The following FBXO2 variants were observed in gnomAD, a reference collection of about 807,000 sequenced individuals.
FBXO2 encodes F-box only protein 2.
In FBXO2, 32 loss-of-function variants were observed where a neutral mutation model predicts 38.6. The observed-to-expected ratio is 0.83, with a 90% CI of 0.62 to 1.11. FBXO2 has a LOEUF of 1.11. Ranked by LOEUF, FBXO2 falls within the 50% of genes most tolerant of loss-of-function variation. FBXO2 has a pLI of 0.00. For missense variants in FBXO2, 450 were observed against 418.3 expected, an observed-to-expected ratio of 1.08 and a Z score of -0.66; for synonymous variants, 189 against 182.9, an observed-to-expected ratio of 1.03 and a Z score of -0.27.
chr1:11,654,138 G>A, intron 1 of FBXO2, 181 bp downstream of exon 1: 3 of 618,376 alleles, frequency 4.9e-6, no homozygotes, highest in Non-Finnish European at 5.1e-6. Context: ...AAGGCCTCCC[G>A]CCAGACCAAG....
At chr1:11,651,212 A>G (rs1489877775) in intron 1 of FBXO2, among the ~76,000 whole-genome samples, 2 of 151,474 alleles carry the variant, frequency 1.3e-5, no homozygotes, top group Non-Finnish European at 2.9e-5. Context: ...TGCTCCCCTC[A>G]CCTCCTCAGG....
intron 1 of FBXO2, among the ~76,000 whole-genome samples, chr1:11,652,410 T>C (rs952008235): frequency 1.3e-5 from 2 of 152,164 alleles, no homozygotes; most frequent in African/African-American, 2.4e-5. Context: ...TTTTCTCATC[T>C]ATAAAATGGG....
Position 11,648,986 on chromosome 1 carries a change from C to G in FBXO2, c.756+101G>C, listed in dbSNP as rs1460776065. On this transcript the variant is annotated intron_variant, in intron 5 of 5. Coordinates refer to ENST00000354287, the MANE Select transcript of FBXO2 (RefSeq NM_012168.6). The surrounding 1 kb of genome is among the most constrained non-coding windows in gnomAD (Gnocchi z 4.2). ...CGGTGACTATCTCAGCCCAGCCCAG[C>G]CCAGCCCACCCCAGCCCAGGAGCGC... The G allele has an allele frequency of 7.1e-7, 1 of 1,409,592 alleles. No individual in the cohort carries two copies. Among genetic ancestry groups the G allele is most frequent in the African/African-American group, 1.4e-5 (1 of 71,406 alleles). The allele number at this position is 1,409,592 out of a possible 1,614,324, so 87.3% of individuals were successfully genotyped here.
chr1:11,650,607 C>T lies in FBXO2; in HGVS notation c.250G>A (p.Gly84Ser). The change falls in exon 2 of 6, where the codon GGC becomes AGC. Residue 84 changes from glycine (G) to serine (S), a missense_variant. Transcript: ENST00000354287. The stretch of plus-strand genomic sequence containing the variant: ...CACTTGAGCAGCCACAGCGGGGCGC[C>T]GTCCACCAGCTCCTTCCAGCGCAGG... ...VCLRWKELVD[G>S]APLWLLKCQQ... The T allele has an allele frequency of 6.3e-7, 1 of 1,589,820 alleles. No individual in the cohort carries two copies. The highest frequency in any genetic ancestry group is 8.5e-7 in the Non-Finnish European group (1 of 1,172,046).
Position 11,648,836 on chromosome 1 carries a change from T to C in FBXO2, c.757-8A>G, listed in dbSNP as rs775436273. ...GGTGAAGGTGTGGGAGATCTGGGGG[T>C]GGAGGTAACAAGAGTCAGCCTCGGA... On this transcript the variant is annotated splice_region_variant and splice_polypyrimidine_tract_variant and intron_variant, in intron 5 of 5. Transcript: ENST00000354287. The surrounding 1 kb of genome is among the most constrained non-coding windows in gnomAD (Gnocchi z 4.2). The C allele has an allele frequency of 1.2e-6, 2 of 1,610,088 alleles. No homozygotes were observed.
In FBXO2 at chr1:11,648,553, T is replaced by C. The variant is rs1639454499; in HGVS notation, c.*141A>G. 1 of 1,207,640 alleles carries C rather than the reference T, an allele frequency of 8.3e-7. No individual in the cohort carries two copies. The highest frequency in any genetic ancestry group is 1.1e-6 in the Non-Finnish European group (1 of 872,964). 74.8% of individuals were successfully genotyped at this position (1,207,640 alleles called of 1,614,324 possible). On this transcript the variant is annotated 3_prime_UTR_variant, in exon 6 of 6. Transcript: ENST00000354287. The surrounding 1 kb of genome is among the most constrained non-coding windows in gnomAD (Gnocchi z 4.2). ...GCCAACAAAACTTCTCTCTCCCTGC[T>C]CAGGGGCTGGGATCGGAGCAAGGGA...
At position 11,649,787 on chromosome 1, in the gene FBXO2, C is replaced by T; in HGVS notation, c.609G>A (p.Val203=). The part of the protein sequence containing the change: ...LLDTTQPAIV[V]KDWYSGRSDA... ...CCCCAGGACCCTCTCACCAGTCCTT[C>T]ACCACGATGGCCGGCTGAGTCGTGT... The change falls in exon 4 of 6, where the codon GTG becomes GTA. Residue 203 remains valine (V), a synonymous_variant. Transcript: ENST00000354287. The T allele has an allele frequency of 3.1e-6, 5 of 1,613,888 alleles. No individual in the cohort carries two copies. The highest frequency in any genetic ancestry group is 4.2e-6 in the Non-Finnish European group (5 of 1,179,990).
Position 11,650,731 on chromosome 1 carries a change from G to A in FBXO2, c.126C>T (p.Ala42=), listed in dbSNP as rs1012283081. The A allele has an allele frequency of 5.2e-6, 8 of 1,526,196 alleles. No individual in the cohort carries two copies. Among genetic ancestry groups the A allele is most frequent in the African/African-American group, 2.9e-5 (2 of 68,632 alleles). The allele number at this position is 1,526,196 out of a possible 1,614,324, so 94.5% of individuals were successfully genotyped here. A position where few individuals can be genotyped will look rare whatever the true frequency, so the allele number is the denominator to read the frequency against. The part of the protein sequence containing the change: ...PEDQQEEEAA[A]AAAYLDELPE... ...GCAGCTCGTCCAGGTACGCGGCGGC[G>A]GCCGCCGCCTCCTCCTCCTGCTGGT... The change falls in exon 2 of 6, where the codon GCC becomes GCT. Residue 42 remains alanine, a synonymous_variant. Transcript: ENST00000354287.
In FBXO2 at chr1:11,648,868, G is replaced by T. The variant is rs1412797746; in HGVS notation, c.757-40C>A. The T allele has an allele frequency of 6.2e-6, 10 of 1,608,560 alleles. No individual in the cohort carries two copies. In the African/African-American group the frequency reaches 1.3e-4, roughly 21 times the overall value. On this transcript the variant is annotated intron_variant, in intron 5 of 5. Transcript: ENST00000354287. This position sits in a 1 kb window ranked among gnomAD's most constrained non-coding sequence, Gnocchi z 4.2. ...AACAAGAGTCAGCCTCGGAGGTCCTGAGGCCTCTCCTGCCGCCCCACCCCG... is the reference window on the plus strand; with the variant it reads ...AACAAGAGTCAGCCTCGGAGGTCCTTAGGCCTCTCCTGCCGCCCCACCCCG...
chr1:11,649,155 C>T lies in FBXO2; in HGVS notation c.688G>A (p.Val230Met). 1 of 1,580,464 alleles carries T rather than the reference C, an allele frequency of 6.3e-7. No homozygotes were observed. The highest frequency in any genetic ancestry group is 8.6e-7 in the Non-Finnish European group (1 of 1,163,652). ...TVKLLSEHEN[V>M]LAEFSSGQVA... ...TGCCCGCTGCTGAACTCAGCCAGCACGTTCTCGTGCTCGGACAGTAGCTTA... is the reference window on the plus strand; with the variant it reads ...TGCCCGCTGCTGAACTCAGCCAGCATGTTCTCGTGCTCGGACAGTAGCTTA... The change falls in exon 5 of 6, where the codon GTG becomes ATG. Residue 230 changes from valine to methionine, a missense_variant. Val to Met is a conservative substitution (Grantham distance 21). Coordinates refer to ENST00000354287, the MANE Select transcript of FBXO2 (RefSeq NM_012168.6).
At position 11,648,792 on chromosome 1, in the gene FBXO2, G is replaced by A. The variant is rs1206779977; in HGVS notation, c.793C>T (p.Arg265Cys). 3.1e-6 allele frequency: 5 copies of A among 1,613,756 alleles called. No individual in the cohort carries two copies. In the East Asian group the frequency reaches 6.7e-5, roughly 22 times the overall value. ...CCCCCGTGCTCGAAGCGGACGAAGC[G>A]GACGCCCGGCCCGTAGTCGGTGAAG... ...HTFTDYGPGV[R>C]FVRFEHGGQD... Residue 265 changes from arginine to cysteine, a missense_variant, in exon 6 of 6, where the codon CGC becomes TGC. Physicochemically the swap from Arg to Cys is radical, Grantham distance 180. Transcript: ENST00000354287. This position sits in a 1 kb window ranked among gnomAD's most constrained non-coding sequence, Gnocchi z 4.2.
chr1:11,654,132 C>T, intron 1 of FBXO2, 187 bp downstream of exon 1: 2 of 579,782 alleles, frequency 3.4e-6, no homozygotes, highest in Non-Finnish European at 5.6e-6. Flanking sequence ...CCTCTCAAGG[C>T]CTCCCGCCAG....
At chr1:11,651,935 G>A (rs1419348182) in intron 1 of FBXO2, among the ~76,000 whole-genome samples, 1 of 152,106 alleles carries the variant, frequency 6.6e-6, no homozygotes, top group Non-Finnish European at 1.5e-5. Context: ...CTGACCTCAG[G>A]TGATCCACCC....
In FBXO2 at chr1:11,650,642, C is replaced by A. The variant is rs764170866; in HGVS notation, c.215G>T (p.Arg72Leu). 4 of 1,574,178 alleles carry A rather than the reference C, an allele frequency of 2.5e-6. No homozygotes were observed. The highest frequency in any genetic ancestry group is 1.8e-5 in the Admixed American group (1 of 56,258). The change falls in exon 2 of 6, where the codon CGC becomes CTC. Residue 72 changes from arginine to leucine, a missense_variant. Coordinates refer to ENST00000354287, the MANE Select transcript of FBXO2 (RefSeq NM_012168.6). ...LPAAELVQAC[R>L]LVCLRWKELV... is the part of the protein sequence containing the mutation. Reference sequence around the variant, plus strand: ...CTCCTTCCAGCGCAGGCACACCAGGCGGCAGGCCTGCACCAGCTCGGCGGC... The same window carrying A: ...CTCCTTCCAGCGCAGGCACACCAGGAGGCAGGCCTGCACCAGCTCGGCGGC...
At position 11,650,449 on chromosome 1, in the gene FBXO2, C is replaced by T; in HGVS notation, c.391+17G>A. ...CGCAGCAGGGGAAGCTGAGCTCGCC[C>T]AGCGAGGGCCTCTCACCTTCCCCAC... is the stretch of plus-strand genomic sequence containing the variant. On this transcript the variant is annotated intron_variant, in intron 2 of 5. Coordinates refer to ENST00000354287, the MANE Select transcript of FBXO2 (RefSeq NM_012168.6). The T allele has an allele frequency of 6.2e-7, 1 of 1,602,832 alleles. No homozygotes were observed. Among genetic ancestry groups the T allele is most frequent in the Admixed American group, 1.7e-5 (1 of 59,000 alleles).
At chr1:11,651,151 G>A (rs12091645) in intron 1 of FBXO2, among the ~76,000 whole-genome samples, 11,886 of 152,202 alleles carry the variant, frequency 0.078, 1,550 homozygotes, top group African/African-American at 0.27. Context: ...GCACTGCACA[G>A]TGCTTCACAC....
At chr1:11,649,627 G>A (rs1230635284) in intron 4 of FBXO2, 152 bp downstream of exon 4, 3 of 705,604 alleles carry the variant, frequency 4.3e-6, no homozygotes, top group African/African-American at 1.8e-5. Context: ...CTGCAAACAC[G>A]GAAGTTGTCA....
intron 2 of FBXO2, 128 bp downstream of exon 2, chr1:11,650,338 C>T (rs1639491802): frequency 6.9e-7 from 1 of 1,459,498 alleles, no homozygotes; most frequent in Non-Finnish European, 9.1e-7. Context: ...TAATAGACAG[C>T]CTTGGGGCTA....
rs868820610 is a variant in FBXO2, at chr1:11,650,807, C to T, written c.50G>A (p.Ser17Asn). The change falls in exon 2 of 6, where the codon AGC becomes AAC. Residue 17 changes from serine to asparagine, a missense_variant. Ser to Asn is a conservative substitution (Grantham distance 46, BLOSUM62 1). Transcript: ENST00000354287. ...PESVGQPEEA[S>N]PEEQPEEASA... ...CGCCTCCTCTGGCTGCTCCTCCGGG[C>T]TTGCCTCCTCGGGCTGGCCCACGCT... 6 of 1,542,782 alleles carry T rather than the reference C, an allele frequency of 3.9e-6. No homozygotes were observed. Among genetic ancestry groups the T allele is most frequent in the Non-Finnish European group, 5.2e-6 (6 of 1,149,774 alleles).
Sources: gnomAD v4.1 joint callset for allele counts (sites outside exome capture counted in the v4.1 genomes callset) on GRCh38, gnomAD v4.1.1 for gene constraint, Gnocchi (gnomAD v3.1) non-coding constraint, MANE v1.5 for transcripts, NCBI Gene and HGNC (gene_info 2026-07-23, HGNC 2026-07-21) for gene names.